SUN5: variants seen among roughly 807,000 people sequenced by gnomAD.
The protein encoded by SUN5 is Sad1 and UNC84 domain containing 5.
SUN5 carries 44 observed loss-of-function variants against 53.7 expected under a neutral mutation model. The observed-to-expected ratio is 0.82, with a 90% CI of 0.64 to 1.05. SUN5 has a LOEUF of 1.05. Among genes scored for constraint, SUN5 ranks in the 50% least tolerant of loss-of-function variants. The probability of loss-of-function intolerance (pLI) is 0.00; values close to 1 mark genes in which losing one functional copy is unlikely to be tolerated. For missense variants in SUN5, 433 were observed against 483.8 expected, an observed-to-expected ratio of 0.90 and a Z score of 0.98; for synonymous variants, 166 against 179.8, an observed-to-expected ratio of 0.92 and a Z score of 0.62.
At chr20:33,001,175 AC>A (rs1185852312) in intron 4 of SUN5, 36 bp downstream of exon 4, 2 of 1,554,368 alleles carry the variant, frequency 1.3e-6, no homozygotes, top group African/African-American at 2.7e-5. Context: ...GCCATTTCCC[AC>A]TCCCCATCCA....
intron 10 of SUN5, 58 bp from the exon 11 acceptor site, chr20:32,985,961 T>C (rs889985427): frequency 3.0e-5 from 46 of 1,551,614 alleles, no homozygotes; most frequent in Non-Finnish European, 4.0e-5. Context: ...TCATCCCACC[T>C]TTGATCCCCT....
chr20:32,994,435 C>T (rs1989786686), intron 8 of SUN5, among the ~76,000 whole-genome samples: 1 of 152,114 alleles, frequency 6.6e-6, no homozygotes, highest in Non-Finnish European at 1.5e-5. Context: ...ATGATCCAGA[C>T]ATTGGAGTTA....
At chr20:33,003,034 C>A (rs1990095328) in intron 1 of SUN5, 115 bp from the exon 2 acceptor site, 1 of 1,176,794 alleles carries the variant, frequency 8.5e-7, no homozygotes, top group African/African-American at 1.5e-5. Flanking sequence ...GGTTTCCCAA[C>A]ACCACCAGCC....
rs193225097 is a variant in SUN5 at position 33,002,856 on chromosome 20, C to A, written c.136+5G>T. 1 of 1,614,084 alleles carries A rather than the reference C, an allele frequency of 6.2e-7. No individual in the cohort carries two copies. ...GAAAATACCAGGGCACCTGTCCTTGCTCACTCATGTTTGGGGAGGTGTCCT... is the reference window on the plus strand; with the variant it reads ...GAAAATACCAGGGCACCTGTCCTTGATCACTCATGTTTGGGGAGGTGTCCT... On this transcript the variant is annotated splice_donor_5th_base_variant and intron_variant, in intron 2 of 12. Transcript: ENST00000356173.
rs1036641548 is a variant in SUN5, at chr20:33,003,036, C to T, written c.78-117G>A. 1.1e-5 allele frequency: 13 copies of T among 1,171,206 alleles called. No homozygotes were observed. In the African/African-American group the frequency reaches 2.0e-4, roughly 18 times the overall value. 72.6% of individuals were successfully genotyped at this position (1,171,206 alleles called of 1,614,324 possible). ...GAGGTACAGAGAAGGTTTCCCAACACCACCAGCCTGTGATTCAGGGACAGA... is the reference window on the plus strand; with the variant it reads ...GAGGTACAGAGAAGGTTTCCCAACATCACCAGCCTGTGATTCAGGGACAGA... On this transcript the variant is annotated intron_variant, in intron 1 of 12. Coordinates refer to ENST00000356173, the MANE Select transcript of SUN5 (RefSeq NM_080675.4).
chr20:32,993,814 C>T (rs184226507), intron 8 of SUN5, among the ~76,000 whole-genome samples: 208 of 152,308 alleles, frequency 1.4e-3, no homozygotes, highest in African/African-American at 4.9e-3. Flanking sequence ...CCTATTAATT[C>T]GAATTGTTAA....
At position 32,992,310 on chromosome 20, in the gene SUN5, A is replaced by C. The variant is rs374166416; in HGVS notation, c.535-2612T>G. 1.4e-4 allele frequency among the ~76,000 whole-genome samples: 22 copies of C among 152,218 alleles called. No individual in the cohort carries two copies. In the East Asian group the frequency reaches 1.7e-3, roughly 12 times the overall value. ...CAATTGAGAACCACTGATTTAGCAG[A>C]AATGAGAAATCTGAATCCGAAACTG... On this transcript the variant is annotated intron_variant, in intron 8 of 12. Transcript: ENST00000356173.
intron 8 of SUN5, among the ~76,000 whole-genome samples, chr20:32,991,430 G>A (rs1466177127): frequency 6.6e-6 from 1 of 152,194 alleles, no homozygotes; most frequent in Non-Finnish European, 1.5e-5. Flanking sequence ...AAGAAACTGA[G>A]GCACAAAGAC....
At chr20:33,002,284 CTGA>C (rs932127027) in intron 3 of SUN5, among the ~76,000 whole-genome samples, 1 of 152,148 alleles carries the variant, frequency 6.6e-6, no homozygotes, top group African/African-American at 2.4e-5. Flanking sequence ...TCTGGGAGAA[CTGA>C]TGAACTCAAC....
intron 9 of SUN5, 37 bp downstream of exon 9, chr20:32,989,583 T>C: frequency 6.3e-7 from 1 of 1,594,608 alleles, no homozygotes. Context: ...CCCAGGACAC[T>C]TGAGGCAGTC....
intron 1 of SUN5, among the ~76,000 whole-genome samples, 165 bp from the exon 2 acceptor site, chr20:33,003,084 T>A (rs1990096577): frequency 6.6e-6 from 1 of 152,144 alleles, no homozygotes; most frequent in South Asian, 2.1e-4. Context: ...TGACCCCAAA[T>A]CCAGGTATCC....
intron 9 of SUN5, 22 bp downstream of exon 9, chr20:32,989,598 G>T (rs370058717): frequency 1.2e-6 from 2 of 1,610,228 alleles, no homozygotes; most frequent in Non-Finnish European, 1.7e-6. Context: ...GCAGTCAGAT[G>T]GTGGGGAAGG....
At chr20:33,003,134 G>T (rs1011351010) in intron 1 of SUN5, among the ~76,000 whole-genome samples, 1 of 152,116 alleles carries the variant, frequency 6.6e-6, no homozygotes, top group Non-Finnish European at 1.5e-5. Context: ...AGTCACAGGC[G>T]GTTGTCGCCA....
In SUN5 at chr20:32,985,730, G is replaced by A. The variant is rs1360263216; in HGVS notation, c.897+6C>T. The A allele has an allele frequency of 1.9e-6, 3 of 1,613,634 alleles. No homozygotes were observed. Among genetic ancestry groups the A allele is most frequent in the African/African-American group, 1.3e-5 (1 of 74,906 alleles). On this transcript the variant is annotated splice_donor_region_variant and intron_variant, in intron 11 of 12. Coordinates refer to ENST00000356173, the MANE Select transcript of SUN5 (RefSeq NM_080675.4). ...TAAGCATAGCTCCCTGCAGGGGAGTGCTCACATAGATGACGAAGTCCTTGG... is the reference window on the plus strand; with the variant it reads ...TAAGCATAGCTCCCTGCAGGGGAGTACTCACATAGATGACGAAGTCCTTGG...
At chr20:32,991,716 AG>A (rs1989714981) in intron 8 of SUN5, among the ~76,000 whole-genome samples, 1 of 152,242 alleles carries the variant, frequency 6.6e-6, no homozygotes, top group Non-Finnish European at 1.5e-5. Flanking sequence ...GGACAATAAA[AG>A]ATAAAGATGA....
chr20:32,983,915 A>G lies in SUN5; in HGVS notation c.1019T>C (p.Val340Ala). Residue 340 changes from valine to alanine, a missense_variant, in exon 13 of 13, where the codon GTG becomes GCG. Coordinates refer to ENST00000356173, the MANE Select transcript of SUN5 (RefSeq NM_080675.4). ...GTTCCCCCAGTTGCTTGAGATCTTC[A>G]CCTTGACCGCACTGAAAGCCCGGGC... Reference protein sequence around the residue: ...QPARAFSAVKVKISSNWGNPG... With the variant: ...QPARAFSAVKAKISSNWGNPG... The G allele has an allele frequency of 6.3e-7, 1 of 1,594,928 alleles. No homozygotes were observed. The highest frequency in any genetic ancestry group is 8.5e-7 in the Non-Finnish European group (1 of 1,170,504).
intron 10 of SUN5, among the ~76,000 whole-genome samples, chr20:32,986,586 C>G (rs1391563226): frequency 6.6e-6 from 1 of 152,032 alleles, no homozygotes; most frequent in Non-Finnish European, 1.5e-5. Flanking sequence ...GAGCTGGGGC[C>G]AGGGGAGATG....
chr20:32,996,384 G>T, intron 6 of SUN5, 26 bp from the exon 7 acceptor site: 4 of 1,607,736 alleles, frequency 2.5e-6, no homozygotes, highest in Non-Finnish European at 3.4e-6. Flanking sequence ...GAAAGTAAGG[G>T]GTCTCCTTCA....
chr20:32,999,888 G>A lies in SUN5; in HGVS notation c.340+186C>T, dbSNP rs564183890. On this transcript the variant is annotated intron_variant, in intron 5 of 12. Coordinates refer to ENST00000356173, the MANE Select transcript of SUN5 (RefSeq NM_080675.4). The stretch of plus-strand genomic sequence containing the variant: ...TGGGGAGAGCTTTATAACTTCTGAA[G>A]CATTTCTTGGCTTCTACAATATTTT... 27 of 1,541,064 alleles carry A rather than the reference G, an allele frequency of 1.8e-5. 1 individual carries two copies. The Middle Eastern group carries it at 5.1e-4, about 29-fold the overall frequency.
Sources: gnomAD v4.1 joint callset for allele counts (sites outside exome capture counted in the v4.1 genomes callset) on GRCh38, gnomAD v4.1.1 for gene constraint, MANE v1.5 for transcripts, NCBI Gene and HGNC (gene_info 2026-07-23, HGNC 2026-07-21) for gene names.